SLC24A3: variants seen among roughly 807,000 people sequenced by gnomAD.
SLC24A3 encodes solute carrier family 24 member 3, also known as sodium/potassium/calcium exchanger 3.
In SLC24A3, 28 loss-of-function variants were observed where a neutral mutation model predicts 75.8. The observed-to-expected ratio is 0.37, with a 90% CI of 0.27 to 0.51. SLC24A3 has a LOEUF of 0.51. Among genes scored for constraint, SLC24A3 ranks in the 20% least tolerant of loss-of-function variants. SLC24A3 has a pLI of 0.94. For missense variants in SLC24A3, 663 were observed against 847.8 expected (o/e 0.78, Z 2.71); for synonymous variants, 372 against 334.1 (o/e 1.11, Z -1.24).
chr20:19,330,496 A>C (rs971373250), intron 2 of SLC24A3, among the ~76,000 whole-genome samples: 1 of 152,248 alleles, frequency 6.6e-6, no homozygotes, highest in Non-Finnish European at 1.5e-5. Context: ...CAAATATGGT[A>C]TATTTCAGGA....
intron 2 of SLC24A3, among the ~76,000 whole-genome samples, chr20:19,289,732 C>T (rs1215365709): frequency 6.6e-6 from 1 of 152,214 alleles, no homozygotes; most frequent in Non-Finnish European, 1.5e-5. Flanking sequence ...TCACTCCCAC[C>T]CACCTGGCTC....
intron 2 of SLC24A3, among the ~76,000 whole-genome samples, chr20:19,484,856 T>C (rs1347110353): frequency 1.3e-5 from 2 of 152,212 alleles, no homozygotes; most frequent in Non-Finnish European, 2.9e-5. Flanking sequence ...TTTACCACAA[T>C]TAAAACGAAA....
At chr20:19,586,763 T>G (rs576164982) in intron 6 of SLC24A3, among the ~76,000 whole-genome samples, 13 of 152,284 alleles carry the variant, frequency 8.5e-5, no homozygotes, top group African/African-American at 3.1e-4. Context: ...CTCATCGGGA[T>G]TCAGCTCCAG....
intron 2 of SLC24A3, among the ~76,000 whole-genome samples, chr20:19,324,022 G>A (rs1252195171): frequency 1.3e-5 from 2 of 152,156 alleles, no homozygotes; most frequent in Admixed American, 1.3e-4. Flanking sequence ...ATCACACACA[G>A]GGAGCTCTCA....
intron 2 of SLC24A3, among the ~76,000 whole-genome samples, chr20:19,478,839 A>C (rs1934136963): frequency 6.6e-6 from 1 of 152,246 alleles, no homozygotes; most frequent in South Asian, 2.1e-4. Flanking sequence ...TCTCAAGTTC[A>C]TCTGCATCCC....
chr20:19,588,565 G>A (rs1166460062), intron 6 of SLC24A3, among the ~76,000 whole-genome samples: 1 of 152,226 alleles, frequency 6.6e-6, no homozygotes, highest in Non-Finnish European at 1.5e-5. Context: ...AGTTTTATGG[G>A]ACAAAAAGGA....
chr20:19,304,184 ATTAATCAAGTTT>A (rs1984265761), intron 2 of SLC24A3, among the ~76,000 whole-genome samples: 1 of 152,236 alleles, frequency 6.6e-6, no homozygotes, highest in South Asian at 2.1e-4. Flanking sequence ...TTTGAATAAC[ATTAATCAAGTTT>A]TACAAATTTA....
intron 6 of SLC24A3, among the ~76,000 whole-genome samples, chr20:19,621,151 C>T (rs2031799080): frequency 6.6e-6 from 1 of 152,180 alleles, no homozygotes; most frequent in African/African-American, 2.4e-5. Flanking sequence ...AAAAGTAAAA[C>T]ACTGAACTTC....
chr20:19,564,140 T>C (rs950061548), intron 3 of SLC24A3, among the ~76,000 whole-genome samples: 5 of 152,154 alleles, frequency 3.3e-5, no homozygotes, highest in African/African-American at 1.2e-4. Context: ...TTACCTGGGA[T>C]CAGAAGAACT....
chr20:19,588,320 A>G (rs185026360), intron 6 of SLC24A3, among the ~76,000 whole-genome samples: 1 of 152,314 alleles, frequency 6.6e-6, no homozygotes, highest in East Asian at 1.9e-4. Context: ...CTGCACTTTC[A>G]TTTGGCTGGG....
intron 9 of SLC24A3, among the ~76,000 whole-genome samples, chr20:19,678,258 G>A (rs1167687662): frequency 6.7e-6 from 1 of 149,026 alleles, no homozygotes; most frequent in Non-Finnish European, 1.5e-5. Flanking sequence ...CGGGCAGAGG[G>A]GCTCCTCACT....
intron 1 of SLC24A3, among the ~76,000 whole-genome samples, chr20:19,241,395 C>G (rs1006617281): frequency 1.2e-4 from 18 of 152,158 alleles, no homozygotes; most frequent in African/African-American, 4.3e-4. Context: ...ACCCCTCACT[C>G]CCCAGGCATC....
At chr20:19,708,000 A>G (rs1374801382) in intron 15 of SLC24A3, among the ~76,000 whole-genome samples, 1 of 138,484 alleles carries the variant, frequency 7.2e-6, no homozygotes, top group Non-Finnish European at 1.6e-5. Context: ...GAGGGCCTAG[A>G]ACATGTCGTG....
At chr20:19,414,203 G>A (rs569415098) in intron 2 of SLC24A3, among the ~76,000 whole-genome samples, 3 of 152,312 alleles carry the variant, frequency 2.0e-5, no homozygotes, top group East Asian at 3.9e-4. Flanking sequence ...TGCTACTCAG[G>A]AGAGGCACAG....
chr20:19,464,454 G>C (rs1316963061), intron 2 of SLC24A3, among the ~76,000 whole-genome samples: 3 of 152,352 alleles, frequency 2.0e-5, no homozygotes, highest in Non-Finnish European at 2.9e-5. Flanking sequence ...GCCCATTCAC[G>C]TGCATGCTCA....
chr20:19,685,044 T>C, intron 11 of SLC24A3, 56 bp from the exon 12 acceptor site: 1 of 1,539,304 alleles, frequency 6.5e-7, no homozygotes, highest in Non-Finnish European at 8.8e-7. Flanking sequence ...ATGTTCTGAG[T>C]GTAAGGTATT....
Position 19,323,541 on chromosome 20 carries a change from C to A in SLC24A3, c.271+42454C>A, listed in dbSNP as rs189677267. Among the ~76,000 whole-genome samples, 470 of 152,310 alleles carry A rather than the reference C, an allele frequency of 3.1e-3. 6 individuals carry two copies. Among genetic ancestry groups the A allele is most frequent in the Middle Eastern group, 0.014 (4 of 294 alleles). Reference sequence around the variant, plus strand: ...ATAAGGCCTTGTGGAGCAAACAGGACTAGACCTTCATATCCAGACAGCTGT... The same window carrying A: ...ATAAGGCCTTGTGGAGCAAACAGGAATAGACCTTCATATCCAGACAGCTGT... On this transcript the variant is annotated intron_variant, in intron 2 of 16. Transcript: ENST00000328041.
At chr20:19,511,648 A>T (rs536555286) in intron 2 of SLC24A3, among the ~76,000 whole-genome samples, 100 of 152,294 alleles carry the variant, frequency 6.6e-4, no homozygotes, top group African/African-American at 2.3e-3. Context: ...CAATTTTTAG[A>T]TGAAATCTCT....
chr20:19,282,843 C>T (rs1983701911), intron 2 of SLC24A3, among the ~76,000 whole-genome samples: 1 of 152,116 alleles, frequency 6.6e-6, no homozygotes, highest in Admixed American at 6.5e-5. Flanking sequence ...TAGCATTGCT[C>T]ACTGTATTGG....
Sources: gnomAD v4.1 joint callset for allele counts (sites outside exome capture counted in the v4.1 genomes callset) on GRCh38, gnomAD v4.1.1 for gene constraint, MANE v1.5 for transcripts, NCBI Gene and HGNC (gene_info 2026-07-23, HGNC 2026-07-21) for gene names.